DLGAP3: variants seen among roughly 807,000 people sequenced by gnomAD.
DLGAP3 encodes DLG associated protein 3, also known as disks large-associated protein 3.
In DLGAP3, 17 loss-of-function variants were observed where a neutral mutation model predicts 81.2. The ratio of observed to expected loss-of-function variants is 0.21; its 90% CI spans 0.14 to 0.31. The LOEUF (loss-of-function observed/expected upper bound fraction) is 0.31, where lower values mean the gene tolerates loss of function less well. DLGAP3 is among the 10% of genes least tolerant of loss of function. The probability of loss-of-function intolerance (pLI) is 1.00; values close to 1 mark genes in which losing one functional copy is unlikely to be tolerated. For missense variants in DLGAP3, 1,124 were observed against 1,388.0 expected (o/e 0.81, Z 3.02); for synonymous variants, 577 against 587.4 (o/e 0.98, Z 0.26).
At chr1:34,894,531 C>T (rs2148406887) in intron 5 of DLGAP3, among the ~76,000 whole-genome samples, 1 of 152,264 alleles carries the variant, frequency 6.6e-6, no homozygotes, top group African/African-American at 2.4e-5. Flanking sequence ...CAAAGACAAT[C>T]AGGATGATAG....
chr1:34,921,306 G>T (rs186671193), intron 1 of DLGAP3, among the ~76,000 whole-genome samples: 1 of 152,180 alleles, frequency 6.6e-6, no homozygotes, highest in South Asian at 2.1e-4. Flanking sequence ...GGCTGGCAAG[G>T]GTGGAAGTGG....
intron 1 of DLGAP3, among the ~76,000 whole-genome samples, chr1:34,916,843 G>A (rs893407505): frequency 3.9e-5 from 6 of 152,044 alleles, no homozygotes; most frequent in African/African-American, 1.2e-4. Context: ...CTATAGGCCC[G>A]TGCCGCCACG....
At chr1:34,874,082 T>C (rs1000094504) in intron 8 of DLGAP3, among the ~76,000 whole-genome samples, 4 of 152,212 alleles carry the variant, frequency 2.6e-5, no homozygotes, top group Admixed American at 2.6e-4. Context: ...GGAGGGGGTA[T>C]GCCCTTCCTT....
chr1:34,870,577 C>A (rs541810520), intron 8 of DLGAP3, among the ~76,000 whole-genome samples: 1 of 152,284 alleles, frequency 6.6e-6, no homozygotes, highest in South Asian at 2.1e-4. Context: ...GAAACCAGGC[C>A]CAGAAGGATG....
At chr1:34,921,521 C>A (rs1187231904) in intron 1 of DLGAP3, among the ~76,000 whole-genome samples, 1 of 152,236 alleles carries the variant, frequency 6.6e-6, no homozygotes, top group Non-Finnish European at 1.5e-5. Context: ...TGTGTGTCTA[C>A]CCTCCTTAAC....
rs868724782 is a variant in DLGAP3 at position 34,895,251 on chromosome 1, T to C, written c.1386+4418A>G. 3.3e-5 allele frequency among the ~76,000 whole-genome samples: 5 copies of C among 151,648 alleles called. No homozygotes were observed. The highest frequency in any genetic ancestry group is 1.3e-4 in the Admixed American group (2 of 15,224). Reference sequence around the variant, plus strand: ...GGCGTGGTGGCGGGCGCCTGTAGTCTCAGCTACTCCGGAGACTGAGGCAGA... The same window carrying C: ...GGCGTGGTGGCGGGCGCCTGTAGTCCCAGCTACTCCGGAGACTGAGGCAGA... On this transcript the variant is annotated intron_variant, in intron 5 of 11. Transcript: ENST00000373347. The surrounding 1 kb of genome is among the most constrained non-coding windows in gnomAD (Gnocchi z 4.5).
intron 5 of DLGAP3, among the ~76,000 whole-genome samples, chr1:34,888,145 C>T (rs758007278): frequency 4.6e-5 from 7 of 152,200 alleles, no homozygotes; most frequent in Admixed American, 2.0e-4. Flanking sequence ...GAAAGATTCA[C>T]GGCATTATAT....
intron 1 of DLGAP3, among the ~76,000 whole-genome samples, chr1:34,921,996 T>C (rs1639803395): frequency 6.6e-6 from 1 of 152,222 alleles, no homozygotes; most frequent in Non-Finnish European, 1.5e-5. Context: ...CTTGTATGTA[T>C]GAGGCTTATG....
intron 8 of DLGAP3, among the ~76,000 whole-genome samples, chr1:34,880,110 G>A (rs1374098814): frequency 1.3e-5 from 2 of 152,042 alleles, no homozygotes; most frequent in Non-Finnish European, 2.9e-5. Context: ...CTGAAGTACA[G>A]TGGTGTGATC....
chr1:34,907,773 T>C (rs3587), intron 1 of DLGAP3, among the ~76,000 whole-genome samples: 52,565 of 151,968 alleles, frequency 0.35, 10,572 homozygotes, highest in South Asian at 0.5. Flanking sequence ...ACAGTTACCA[T>C]AAGCAAGAGA....
chr1:34,893,880 A>G (rs1322811278), intron 5 of DLGAP3, among the ~76,000 whole-genome samples: 1 of 152,250 alleles, frequency 6.6e-6, no homozygotes, highest in African/African-American at 2.4e-5. Context: ...GTCCAACCAC[A>G]TCAATAACCA....
At chr1:34,896,279 G>T (rs938709466) in intron 5 of DLGAP3, among the ~76,000 whole-genome samples, 2 of 152,138 alleles carry the variant, frequency 1.3e-5, no homozygotes, top group African/African-American at 4.8e-5. Flanking sequence ...AACAAGAAGG[G>T]AAGAGGTCAT....
chr1:34,903,231 G>C (rs930925724), intron 3 of DLGAP3, among the ~76,000 whole-genome samples: 1 of 152,154 alleles, frequency 6.6e-6, no homozygotes, highest in East Asian at 1.9e-4. Flanking sequence ...ACCCAGGTCA[G>C]TGAGGTGTCT....
chr1:34,903,954 G>A (rs1417785634), intron 3 of DLGAP3, among the ~76,000 whole-genome samples: 4 of 152,172 alleles, frequency 2.6e-5, no homozygotes, highest in African/African-American at 9.7e-5. Context: ...TCTCTATCCT[G>A]TCTACTGCCT....
intron 1 of DLGAP3, among the ~76,000 whole-genome samples, chr1:34,912,117 T>A (rs1238178931): frequency 6.6e-6 from 1 of 152,208 alleles, no homozygotes; most frequent in African/African-American, 2.4e-5. Flanking sequence ...AAGGTATGAA[T>A]GATGTAAGGT....
chr1:34,908,966 T>C (rs1418744313), intron 1 of DLGAP3, among the ~76,000 whole-genome samples: 4 of 152,256 alleles, frequency 2.6e-5, no homozygotes, highest in Non-Finnish European at 5.9e-5. Flanking sequence ...AGCATCTCTC[T>C]GCCTTGGAAA....
chr1:34,928,561 C>A (rs1189886327), intron 1 of DLGAP3, among the ~76,000 whole-genome samples: 1 of 152,090 alleles, frequency 6.6e-6, no homozygotes, highest in Non-Finnish European at 1.5e-5. Flanking sequence ...GTCAGGGGTC[C>A]CCAGAGAAGT....
intron 1 of DLGAP3, among the ~76,000 whole-genome samples, chr1:34,918,172 A>G (rs1639745042): frequency 6.6e-6 from 1 of 152,224 alleles, no homozygotes; most frequent in Non-Finnish European, 1.5e-5. Context: ...CTAGTGCCAC[A>G]GGCTCCCTTT....
intron 5 of DLGAP3, among the ~76,000 whole-genome samples, chr1:34,893,080 G>C (rs1033781778): frequency 1.3e-4 from 19 of 151,384 alleles, no homozygotes; most frequent in Non-Finnish European, 2.7e-4. Context: ...GCTGAGGCAG[G>C]AGAATGGCGT....
Sources: allele counts gnomAD v4.1 joint callset (sites outside exome capture counted in the v4.1 genomes callset), GRCh38; gene constraint gnomAD v4.1.1; non-coding constraint Gnocchi (gnomAD v3.1); transcripts MANE v1.5; gene names NCBI Gene and HGNC (gene_info 2026-07-23, HGNC 2026-07-21).